ATP8A2: variants seen among roughly 807,000 people sequenced by gnomAD.
ATP8A2 encodes phospholipid-transporting ATPase IB.
In ATP8A2, 100 loss-of-function variants were observed where a neutral mutation model predicts 165.6. The observed-to-expected ratio is 0.60, with a 90% confidence interval of 0.51 to 0.71. The LOEUF is 0.71. Ranked by LOEUF, ATP8A2 falls within the 30% of genes least tolerant of loss-of-function variation. ATP8A2 has a pLI of 0.00. For synonymous variants in ATP8A2, 543 were observed against 548.8 expected (o/e 0.99, Z 0.15); for missense variants, 1,227 against 1,479.5 (o/e 0.83, Z 2.80).
chr13:25,833,544 C>T (rs1035012646), intron 28 of ATP8A2, among the ~76,000 whole-genome samples: 1 of 152,052 alleles, frequency 6.6e-6, no homozygotes, highest in Non-Finnish European at 1.5e-5. Context: ...ATTCTAGAGT[C>T]AGATGTGTAA....
chr13:25,644,819 G>T (rs1018678448), intron 24 of ATP8A2, among the ~76,000 whole-genome samples: 55 of 151,900 alleles, frequency 3.6e-4, no homozygotes, highest in African/African-American at 1.2e-3. Context: ...CTTATTCTAG[G>T]TTATCCATTT....
rs552790598 is a variant in ATP8A2, at chr13:25,621,690, G to T, written c.2211+31991G>T. Among the ~76,000 whole-genome samples, 228 of 152,288 alleles carry T rather than the reference G, an allele frequency of 1.5e-3. 1 individual carries two copies. Among genetic ancestry groups the T allele is most frequent in the South Asian group, 2.7e-3 (13 of 4,822 alleles). On this transcript the variant is annotated intron_variant, in intron 24 of 36. Coordinates refer to ENST00000381655, the MANE Select transcript of ATP8A2 (RefSeq NM_016529.6). ...GACAGTGGATTCCCATCCAGTGCTT[G>T]TAGCTCTGTTATCCTCTTTAGAAGT... is the stretch of plus-strand genomic sequence containing the variant.
chr13:25,475,489 G>A (rs1257308989), intron 2 of ATP8A2, among the ~76,000 whole-genome samples: 6 of 152,146 alleles, frequency 3.9e-5, no homozygotes, highest in African/African-American at 1.4e-4. Flanking sequence ...TCGAGTCCAC[G>A]TGCCTTTATG....
In ATP8A2 at chr13:25,795,469, G is replaced by C. The variant is rs139929022; in HGVS notation, c.2679+20510G>C. 4.1e-3 allele frequency among the ~76,000 whole-genome samples: 620 copies of C among 152,288 alleles called. 6 individuals carry two copies. Among genetic ancestry groups the C allele is most frequent in the African/African-American group, 0.014 (600 of 41,556 alleles). ...AGAAATTTCTTTAGGATGACAGATT[G>C]TCAGCACATTGACATAGATTGTTTT... is the stretch of plus-strand genomic sequence containing the variant. On this transcript the variant is annotated intron_variant, in intron 27 of 36. Coordinates refer to ENST00000381655, the MANE Select transcript of ATP8A2 (RefSeq NM_016529.6).
intron 2 of ATP8A2, among the ~76,000 whole-genome samples, chr13:25,512,967 C>G (rs1458740413): frequency 1.4e-5 from 2 of 138,886 alleles, no homozygotes; most frequent in South Asian, 4.5e-4. Context: ...GGGCTGACCC[C>G]CCCACCTCCC....
intron 27 of ATP8A2, among the ~76,000 whole-genome samples, chr13:25,812,834 T>C (rs1041613068): frequency 1.3e-5 from 2 of 152,098 alleles, no homozygotes; most frequent in African/African-American, 4.8e-5. Flanking sequence ...TCAACCCAAA[T>C]GCCCATCAAT....
At chr13:25,657,514 G>A (rs1196148988) in intron 24 of ATP8A2, among the ~76,000 whole-genome samples, 2 of 152,212 alleles carry the variant, frequency 1.3e-5, no homozygotes, top group African/African-American at 4.8e-5. Context: ...GTTGTTTCCT[G>A]TAGGAATTCA....
chr13:25,599,349 T>C (rs1356306210), intron 24 of ATP8A2, among the ~76,000 whole-genome samples: 1 of 152,194 alleles, frequency 6.6e-6, no homozygotes, highest in African/African-American at 2.4e-5. Flanking sequence ...ATTTGGGAAG[T>C]ACCTCTGGTT....
At chr13:25,907,441 A>C (rs565968683) in intron 33 of ATP8A2, among the ~76,000 whole-genome samples, 3 of 152,368 alleles carry the variant, frequency 2.0e-5, no homozygotes, top group African/African-American at 7.2e-5. Flanking sequence ...TTTACTAACA[A>C]TTGATAGGAG....
rs188764732 is a variant in ATP8A2, at chr13:25,789,792, C to T, written c.2679+14833C>T. Among the ~76,000 whole-genome samples the T allele has an allele frequency of 1.1e-4, 17 of 152,252 alleles. No homozygotes were observed. In the East Asian group the frequency reaches 2.3e-3, roughly 21 times the overall value. ...CCAAGGCAATCCTAAGCAAAAAGAG[C>T]GAAGCTGGATGCATCAGTGTTACCT... On this transcript the variant is annotated intron_variant, in intron 27 of 36. Coordinates refer to ENST00000381655, the MANE Select transcript of ATP8A2 (RefSeq NM_016529.6).
chr13:25,492,448 C>T (rs762718341), intron 2 of ATP8A2, among the ~76,000 whole-genome samples: 1 of 152,098 alleles, frequency 6.6e-6, no homozygotes, highest in African/African-American at 2.4e-5. Flanking sequence ...GAAATTTTGC[C>T]ACATAGAGAA....
At chr13:25,852,031 G>A (rs968333682) in intron 30 of ATP8A2, among the ~76,000 whole-genome samples, 3 of 151,992 alleles carry the variant, frequency 2.0e-5, no homozygotes, top group Admixed American at 1.3e-4. Context: ...TCTCTCTCCT[G>A]ATTGCGTAGA....
chr13:25,985,558 G>A (rs749297518), intron 35 of ATP8A2, among the ~76,000 whole-genome samples: 5 of 152,312 alleles, frequency 3.3e-5, no homozygotes, highest in East Asian at 1.9e-4. Flanking sequence ...AGTCATGGTC[G>A]ATCAATCCCC....
intron 24 of ATP8A2, among the ~76,000 whole-genome samples, chr13:25,630,382 A>C (rs1170778706): frequency 6.6e-6 from 1 of 152,172 alleles, no homozygotes; most frequent in Non-Finnish European, 1.5e-5. Context: ...AGAGATGACT[A>C]ATCAGTTGAG....
Position 25,828,118 on chromosome 13 carries a change from C to A in ATP8A2, c.2680C>A (p.Leu894Ile). The A allele has an allele frequency of 6.8e-6, 11 of 1,613,278 alleles. No homozygotes were observed. Among genetic ancestry groups the A allele is most frequent in the Non-Finnish European group, 9.3e-6 (11 of 1,179,232 alleles). The change falls in exon 28 of 37, where the codon CTT (leucine) becomes ATT (isoleucine). Residue 894 changes from leucine (L) to isoleucine (I), a missense_variant and splice_region_variant. Leu to Ile is a conservative substitution (Grantham distance 5). Transcript: ENST00000381655. ...CTTCATGAGCTTTCTTCTCTTTCAG[C>A]TTTGGTTCGCCTTTGTTAATGGATT... Reference protein sequence around the residue: ...YKNVVLYIIELWFAFVNGFSG... With the variant: ...YKNVVLYIIEIWFAFVNGFSG...
intron 1 of ATP8A2, among the ~76,000 whole-genome samples, chr13:25,425,635 C>A (rs2034427659): frequency 2.0e-5 from 3 of 151,458 alleles, no homozygotes; most frequent in Non-Finnish European, 4.4e-5. Flanking sequence ...AGTGCAATGG[C>A]ACAATCTCGG....
intron 27 of ATP8A2, among the ~76,000 whole-genome samples, chr13:25,795,284 GA>G (rs986201654): frequency 6.6e-5 from 10 of 152,282 alleles, no homozygotes; most frequent in Middle Eastern, 3.4e-3. Flanking sequence ...TGAGTTTTAA[GA>G]AGATATTTAA....
chr13:25,524,314 T>C (rs923629161), intron 2 of ATP8A2, among the ~76,000 whole-genome samples: 1 of 152,186 alleles, frequency 6.6e-6, no homozygotes, highest in African/African-American at 2.4e-5. Context: ...TGTATACCAA[T>C]GAAAAGAAAA....
At chr13:25,825,803 A>C (rs1593406715) in intron 27 of ATP8A2, among the ~76,000 whole-genome samples, 1 of 152,168 alleles carries the variant, frequency 6.6e-6, no homozygotes, top group Non-Finnish European at 1.5e-5. Flanking sequence ...TTCCAAGCAC[A>C]GAACACAGCA....
Sources: gnomAD v4.1 joint callset for allele counts (sites outside exome capture counted in the v4.1 genomes callset) on GRCh38, gnomAD v4.1.1 for gene constraint, MANE v1.5 for transcripts, NCBI Gene and HGNC (gene_info 2026-07-23, HGNC 2026-07-21) for gene names.